The following TYR variants were observed in gnomAD, a reference collection of about 807,000 sequenced individuals.
The protein encoded by TYR is LB24-AB.
A neutral mutation model predicts 51.5 loss-of-function variants in TYR; 58 were observed. That is an observed-to-expected ratio of 1.13 (90% CI 0.91 to 1.40). The LOEUF is 1.40. Ranked by LOEUF, TYR falls within the 40% of genes most tolerant of loss-of-function variation. The pLI, the probability that TYR is intolerant of heterozygous loss-of-function variation, is 0.00. For missense variants in TYR, 732 were observed against 647.4 expected (o/e 1.13, Z -1.42); for synonymous variants, 263 against 235.2 (o/e 1.12, Z -1.08).
intron 3 of TYR, among the ~76,000 whole-genome samples, chr11:89,235,589 T>C (rs1274620042): frequency 6.6e-6 from 1 of 152,122 alleles, no homozygotes; most frequent in African/African-American, 2.4e-5. Context: ...AGTAACCACA[T>C]AATCTCTTTA....
intron 4 of TYR, among the ~76,000 whole-genome samples, chr11:89,289,538 C>A (rs933125296): frequency 1.3e-5 from 2 of 151,810 alleles, no homozygotes; most frequent in Non-Finnish European, 2.9e-5. Context: ...ACATTACTCT[C>A]GAAATGATTT....
In TYR at chr11:89,191,507, A is replaced by C. The variant is rs1250137695; in HGVS notation, c.1036+89A>C. On this transcript the variant is annotated intron_variant, in intron 2 of 4. Coordinates refer to ENST00000263321, the MANE Select transcript of TYR (RefSeq NM_000372.5). ...AGTCCTAGGAGGTATTTGAGAATTC[A>C]GAATTTTCTGAGTTGACCAAGAATA... 15 of 1,345,828 alleles carry C rather than the reference A, an allele frequency of 1.1e-5. No individual in the cohort carries two copies. In the South Asian group the frequency reaches 1.6e-4, roughly 14 times the overall value. 83.4% of individuals were successfully genotyped at this position (1,345,828 alleles called of 1,614,324 possible). A position where few individuals can be genotyped will look rare whatever the true frequency, so the allele number is the denominator to read the frequency against.
chr11:89,210,341 G>T (rs902261659), intron 2 of TYR, among the ~76,000 whole-genome samples: 1 of 144,476 alleles, frequency 6.9e-6, no homozygotes, highest in Admixed American at 6.8e-5. Context: ...TTCAATAGCA[G>T]ATTCAATCAA....
chr11:89,230,023 C>A lies in TYR; in HGVS notation c.1184+2053C>A, dbSNP rs145898826. Among the ~76,000 whole-genome samples the A allele has an allele frequency of 5.4e-3, 825 of 152,086 alleles. 6 individuals carry two copies. Among genetic ancestry groups the A allele is most frequent in the African/African-American group, 0.014 (584 of 41,498 alleles). ...TATCAAAATACCAAGACATTCTTCA[C>A]AAAAATAGAAAAACAGTCTTCAAAT... On this transcript the variant is annotated intron_variant, in intron 3 of 4. Coordinates refer to ENST00000263321, the MANE Select transcript of TYR (RefSeq NM_000372.5).
At position 89,245,438 on chromosome 11, in the gene TYR, T is replaced by C. The variant is rs545866760; in HGVS notation, c.1184+17468T>C. Reference sequence around the variant, plus strand: ...GGCTTAATAGAAGGAAAGTGTATATTGGATATAGACAAAGAAAGTATACTC... The same window carrying C: ...GGCTTAATAGAAGGAAAGTGTATATCGGATATAGACAAAGAAAGTATACTC... On this transcript the variant is annotated intron_variant, in intron 3 of 4. Transcript: ENST00000263321. 9.2e-5 allele frequency among the ~76,000 whole-genome samples: 14 copies of C among 152,268 alleles called. No individual in the cohort carries two copies. The East Asian group carries it at 2.5e-3, about 27-fold the overall frequency.
intron 2 of TYR, among the ~76,000 whole-genome samples, chr11:89,225,583 G>A (rs574520725): frequency 6.6e-6 from 1 of 151,878 alleles, no homozygotes; most frequent in South Asian, 2.1e-4. Context: ...GTATAAAAAG[G>A]TAACTCCAGA....
intron 2 of TYR, among the ~76,000 whole-genome samples, chr11:89,207,117 T>A (rs1481865076): frequency 2.0e-5 from 3 of 150,914 alleles, no homozygotes; most frequent in Non-Finnish European, 4.4e-5. Context: ...AAGGAAATAA[T>A]AAAGATAGGA....
intron 3 of TYR, among the ~76,000 whole-genome samples, chr11:89,250,335 T>C (rs1944316119): frequency 1.3e-5 from 2 of 151,916 alleles, no homozygotes; most frequent in African/African-American, 4.8e-5. Flanking sequence ...CAAAGAAAGA[T>C]TAAATAATTC....
In TYR at chr11:89,284,931, A is replaced by G. The variant is rs753195354; in HGVS notation, c.1343A>G (p.Asp448Gly). The G allele has an allele frequency of 1.9e-6, 3 of 1,611,530 alleles. No homozygotes were observed. The Middle Eastern group carries it at 5.0e-4, about 267-fold the overall frequency. The stretch of plus-strand genomic sequence containing the variant: ...ATTTCATCCAAAGATCTGGGCTATG[A>G]CTATAGCTATCTACAAGATTCAGGT... Reference protein sequence around the residue: ...FFISSKDLGYDYSYLQDSDPD... With the variant: ...FFISSKDLGYGYSYLQDSDPD... Residue 448 changes from aspartate (D) to glycine (G), a missense_variant, in exon 4 of 5, where the codon GAC becomes GGC. Coordinates refer to ENST00000263321, the MANE Select transcript of TYR (RefSeq NM_000372.5).
chr11:89,271,192 C>T (rs1427502424), intron 3 of TYR, among the ~76,000 whole-genome samples: 1 of 151,900 alleles, frequency 6.6e-6, no homozygotes, highest in African/African-American at 2.4e-5. Flanking sequence ...ATTGATTTTA[C>T]ATACATTAAT....
chr11:89,288,429 C>T (rs1334964384), intron 4 of TYR, among the ~76,000 whole-genome samples: 1 of 151,950 alleles, frequency 6.6e-6, no homozygotes, highest in Non-Finnish European at 1.5e-5. Flanking sequence ...CTCTTTGTTC[C>T]TTCCCTAGTG....
intron 1 of TYR, among the ~76,000 whole-genome samples, chr11:89,186,118 C>A (rs1943369107): frequency 6.6e-6 from 1 of 152,122 alleles, no homozygotes; most frequent in South Asian, 2.1e-4. Flanking sequence ...TGGAGAAGCA[C>A]AAGCAGTGTC....
chr11:89,179,000 A>G (rs1191375438), intron 1 of TYR, among the ~76,000 whole-genome samples: 1 of 152,232 alleles, frequency 6.6e-6, no homozygotes, highest in Non-Finnish European at 1.5e-5. Context: ...CTAAACTGCA[A>G]TGAACAGAGT....
chr11:89,214,966 T>C (rs559449538), intron 2 of TYR, among the ~76,000 whole-genome samples: 1 of 152,292 alleles, frequency 6.6e-6, no homozygotes, highest in African/African-American at 2.4e-5. Flanking sequence ...GGTGCTAATA[T>C]TTGTAGCCAT....
intron 3 of TYR, among the ~76,000 whole-genome samples, chr11:89,266,733 T>C (rs574082933): frequency 1.3e-5 from 2 of 152,162 alleles, no homozygotes; most frequent in Admixed American, 6.6e-5. Flanking sequence ...ATTGTTTTAG[T>C]CTATAAGCAC....
chr11:89,219,343 C>T (rs1295053497), intron 2 of TYR, among the ~76,000 whole-genome samples: 1 of 149,278 alleles, frequency 6.7e-6, no homozygotes, highest in South Asian at 2.1e-4. Flanking sequence ...ATTGCCCAGG[C>T]TGGAGTGCAG....
intron 3 of TYR, among the ~76,000 whole-genome samples, chr11:89,265,827 C>G (rs559317744): frequency 6.6e-6 from 1 of 151,970 alleles, no homozygotes; most frequent in Admixed American, 6.6e-5. Context: ...GAATGATGCT[C>G]AGATCACTAG....
chr11:89,202,622 T>TACACACACACACAA lies in TYR; in HGVS notation c.1036+11217_1036+11218insAACACACACACACA, dbSNP rs58419100. Among the ~76,000 whole-genome samples, 8 of 141,368 alleles carry TACACACACACACAA rather than the reference T, an allele frequency of 5.7e-5. No homozygotes were observed. In the South Asian group the frequency reaches 1.2e-3, roughly 22 times the overall value. The allele number at this position is 141,368 out of a possible 152,430, so 92.7% of individuals were successfully genotyped here. A position where few individuals can be genotyped will look rare whatever the true frequency, so the allele number is the denominator to read the frequency against. On this transcript the variant is annotated intron_variant, in intron 2 of 4. Coordinates refer to ENST00000263321, the MANE Select transcript of TYR (RefSeq NM_000372.5). ...CCAAAACTAGAATATATTTTCATAA[T>TACACACACACACAA]ACACACACACACACACACACACACA...
In TYR at chr11:89,235,606, G is replaced by A. The variant is rs1355052155; in HGVS notation, c.1184+7636G>A. Among the ~76,000 whole-genome samples, 9 of 152,086 alleles carry A rather than the reference G, an allele frequency of 5.9e-5. 1 individual carries two copies. Among genetic ancestry groups the A allele is most frequent in the African/African-American group, 2.2e-4 (9 of 41,442 alleles). On this transcript the variant is annotated intron_variant, in intron 3 of 4. Coordinates refer to ENST00000263321, the MANE Select transcript of TYR (RefSeq NM_000372.5). ...TAACCACATAATCTCTTTAGATGCA[G>A]AATCTAAAAAACTTTGAACTCGTAG...
Sources: allele counts gnomAD v4.1 joint callset (sites outside exome capture counted in the v4.1 genomes callset), GRCh38; gene constraint gnomAD v4.1.1; transcripts MANE v1.5; gene names NCBI Gene and HGNC (gene_info 2026-07-23, HGNC 2026-07-21).